GPC6: variants seen among roughly 807,000 people sequenced by gnomAD.
The protein encoded by GPC6 is glypican 6.
A neutral mutation model predicts 55.2 loss-of-function variants in GPC6; 14 were observed. The ratio of observed to expected loss-of-function variants is 0.25; its 90% CI spans 0.17 to 0.40. The LOEUF is 0.40. Among genes scored for constraint, GPC6 ranks in the 10% least tolerant of loss-of-function variants. The probability of loss-of-function intolerance (pLI) is 1.00; values close to 1 mark genes in which losing one functional copy is unlikely to be tolerated. For missense variants in GPC6, 641 were observed against 708.5 expected (o/e 0.90, Z 1.08); for synonymous variants, 278 against 259.6 (o/e 1.07, Z -0.68).
intron 3 of GPC6, among the ~76,000 whole-genome samples, chr13:93,878,016 G>C (rs1874700073): frequency 6.6e-6 from 1 of 152,022 alleles, no homozygotes; most frequent in Non-Finnish European, 1.5e-5. Context: ...CTGGTAGGCA[G>C]AAGAAAATGT....
intron 1 of GPC6, among the ~76,000 whole-genome samples, chr13:93,277,516 C>T (rs917571193): frequency 1.4e-4 from 21 of 152,134 alleles, no homozygotes; most frequent in Non-Finnish European, 2.6e-4. Context: ...AATCTTGTCT[C>T]ATCAGACTAA....
intron 2 of GPC6, among the ~76,000 whole-genome samples, chr13:93,614,680 A>G (rs1022244579): frequency 2.6e-5 from 4 of 152,176 alleles, no homozygotes; most frequent in Non-Finnish European, 5.9e-5. Flanking sequence ...CAAATTATAT[A>G]ATTGTTTGAT....
intron 4 of GPC6, among the ~76,000 whole-genome samples, chr13:94,124,272 AC>A (rs760206700): frequency 4.6e-5 from 7 of 152,002 alleles, no homozygotes; most frequent in Non-Finnish European, 1.0e-4. Context: ...CCCATTTCCT[AC>A]TTTTTCCTTT....
intron 2 of GPC6, among the ~76,000 whole-genome samples, chr13:93,657,871 AT>A (rs1880751227): frequency 6.6e-6 from 1 of 152,106 alleles, no homozygotes; most frequent in South Asian, 2.1e-4. Context: ...ATAACTAATC[AT>A]TAGAGAAATG....
At chr13:93,816,353 G>A (rs185993900) in intron 2 of GPC6, among the ~76,000 whole-genome samples, 2 of 152,172 alleles carry the variant, frequency 1.3e-5, no homozygotes, top group East Asian at 1.9e-4. Context: ...TAGACAGCAC[G>A]CTGTGCTTTA....
intron 6 of GPC6, among the ~76,000 whole-genome samples, chr13:94,309,454 T>C (rs1876122242): frequency 2.0e-5 from 3 of 152,124 alleles, no homozygotes; most frequent in African/African-American, 7.2e-5. Flanking sequence ...ATACCTTATA[T>C]AAAATAATTG....
intron 1 of GPC6, among the ~76,000 whole-genome samples, chr13:93,504,589 T>G (rs926151248): frequency 6.6e-6 from 1 of 151,698 alleles, no homozygotes; most frequent in East Asian, 1.9e-4. Flanking sequence ...CATATTTTGT[T>G]GCAGTAAAGG....
intron 3 of GPC6, among the ~76,000 whole-genome samples, chr13:93,844,643 G>C (rs1484330282): frequency 6.7e-6 from 1 of 148,696 alleles, no homozygotes; most frequent in Non-Finnish European, 1.5e-5. Context: ...AAGCTCTTTA[G>C]TTTAATTAGA....
chr13:93,779,891 G>A (rs1233117886), intron 2 of GPC6, among the ~76,000 whole-genome samples: 1 of 152,140 alleles, frequency 6.6e-6, no homozygotes, highest in African/African-American at 2.4e-5. Flanking sequence ...TCATTTGTGT[G>A]CATATAAACC....
chr13:93,455,080 G>A (rs1878394316), intron 1 of GPC6, among the ~76,000 whole-genome samples: 1 of 152,170 alleles, frequency 6.6e-6, no homozygotes, highest in South Asian at 2.1e-4. Flanking sequence ...GCTGCTCCGA[G>A]TGCAGGGCCC....
At chr13:93,526,643 A>G (rs187834949) in intron 1 of GPC6, among the ~76,000 whole-genome samples, 76 of 152,224 alleles carry the variant, frequency 5.0e-4, no homozygotes, top group Non-Finnish European at 8.8e-5. Flanking sequence ...ATGCAATGAC[A>G]TAGGCTGAAG....
intron 3 of GPC6, among the ~76,000 whole-genome samples, chr13:93,975,201 AT>A (rs1880462657): frequency 6.6e-6 from 1 of 152,170 alleles, no homozygotes; most frequent in Admixed American, 6.6e-5. Context: ...TTGCCTCCAA[AT>A]TTTAAAAGGT....
intron 4 of GPC6, among the ~76,000 whole-genome samples, chr13:94,195,730 A>G (rs771379018): frequency 6.6e-6 from 1 of 152,222 alleles, no homozygotes; most frequent in African/African-American, 2.4e-5. Flanking sequence ...CTCCTGCCAC[A>G]CAGCCTCTAA....
At chr13:94,141,243 G>A (rs1031714120) in intron 4 of GPC6, among the ~76,000 whole-genome samples, 1 of 152,156 alleles carries the variant, frequency 6.6e-6, no homozygotes, top group Admixed American at 6.6e-5. Flanking sequence ...GGGGCTTATA[G>A]GTGGATTCAG....
chr13:93,344,150 C>G (rs921418860), intron 1 of GPC6, among the ~76,000 whole-genome samples: 3 of 152,144 alleles, frequency 2.0e-5, no homozygotes, highest in African/African-American at 7.2e-5. Flanking sequence ...ACTTCCCAGC[C>G]CTAAAGGGAT....
intron 1 of GPC6, among the ~76,000 whole-genome samples, chr13:93,408,538 T>G (rs1005648091): frequency 6.6e-6 from 1 of 152,166 alleles, no homozygotes; most frequent in South Asian, 2.1e-4. Context: ...AGTGCAAAAC[T>G]GATTTTGAGT....
At chr13:94,332,090 A>AATC (rs1877455824) in intron 6 of GPC6, among the ~76,000 whole-genome samples, 3 of 152,218 alleles carry the variant, frequency 2.0e-5, no homozygotes, top group African/African-American at 7.2e-5. Flanking sequence ...AGGCTGGAAG[A>AATC]ATCTCCCCGA....
intron 1 of GPC6, among the ~76,000 whole-genome samples, chr13:93,309,804 T>C (rs970846452): frequency 2.0e-5 from 3 of 152,188 alleles, no homozygotes; most frequent in Non-Finnish European, 4.4e-5. Context: ...TATTGTTTCT[T>C]GATGGTTCTT....
chr13:94,027,309 G>A (rs961343115), intron 3 of GPC6, among the ~76,000 whole-genome samples: 7 of 152,108 alleles, frequency 4.6e-5, no homozygotes, highest in African/African-American at 9.7e-5. Flanking sequence ...TTGAAGAAAC[G>A]TTATGTACAA....
Sources: allele counts gnomAD v4.1 joint callset (sites outside exome capture counted in the v4.1 genomes callset), GRCh38; gene constraint gnomAD v4.1.1; transcripts MANE v1.5; gene names NCBI Gene and HGNC (gene_info 2026-07-23, HGNC 2026-07-21).